Variants in PDE11A observed in about 807,000 individuals in gnomAD.
The protein encoded by PDE11A is phosphodiesterase 11A.
In PDE11A, 100 loss-of-function variants were observed where a neutral mutation model predicts 100.5. The ratio of observed to expected loss-of-function variants is 1.00; its 90% CI spans 0.85 to 1.18. The LOEUF is 1.18. Ranked by LOEUF, PDE11A falls within the 50% of genes most tolerant of loss-of-function variation. The pLI is 0.00. For missense variants in PDE11A, 1,141 were observed against 1,152.6 expected (o/e 0.99, Z 0.15); for synonymous variants, 381 against 420.8 (o/e 0.91, Z 1.16).
chr2:177,827,192 T>C (rs1401974351), intron 6 of PDE11A, among the ~76,000 whole-genome samples: 9 of 152,166 alleles, frequency 5.9e-5, no homozygotes, highest in African/African-American at 2.2e-4. Flanking sequence ...TATTGAGTTG[T>C]CTATAATAGG....
intron 6 of PDE11A, among the ~76,000 whole-genome samples, chr2:177,837,102 C>G (rs1303504764): frequency 6.6e-6 from 1 of 152,200 alleles, no homozygotes; most frequent in East Asian, 1.9e-4. Context: ...GCCTCTCCCT[C>G]CGTGTGCAAA....
intron 2 of PDE11A, among the ~76,000 whole-genome samples, chr2:177,954,454 C>A (rs2085537500): frequency 6.6e-6 from 1 of 152,090 alleles, no homozygotes; most frequent in Middle Eastern, 3.2e-3. Context: ...GTAATTAGAG[C>A]AGCAGACAAA....
intron 2 of PDE11A, among the ~76,000 whole-genome samples, chr2:177,910,428 CTATA>C (rs56372605): frequency 3.4e-4 from 47 of 137,382 alleles, no homozygotes; most frequent in African/African-American, 5.3e-4. Flanking sequence ...CTCTCTCTCT[CTATA>C]TATATATATA....
At chr2:177,707,465 C>G (rs1370664) in intron 13 of PDE11A, among the ~76,000 whole-genome samples, 116,342 of 152,036 alleles carry the variant, frequency 0.77, 44,594 homozygotes, top group East Asian at 0.84. Context: ...GAGAGCCAGG[C>G]ATCAAGCCTG....
At chr2:177,722,242 C>T (rs2081540107) in intron 12 of PDE11A, among the ~76,000 whole-genome samples, 1 of 152,158 alleles carries the variant, frequency 6.6e-6, no homozygotes, top group African/African-American at 2.4e-5. Context: ...CCTGTAACGT[C>T]GGACATGATT....
chr2:177,898,310 A>G, intron 3 of PDE11A, 112 bp from the exon 4 acceptor site: 1 of 731,534 alleles, frequency 1.4e-6, no homozygotes, highest in South Asian at 1.7e-5. Flanking sequence ...CTTTTTGTGT[A>G]GCTAATTTTA....
At chr2:177,822,639 G>A (rs1185440012) in intron 6 of PDE11A, among the ~76,000 whole-genome samples, 1 of 151,960 alleles carries the variant, frequency 6.6e-6, no homozygotes, top group African/African-American at 2.4e-5. Context: ...ATACATTCCT[G>A]GGATTTTTAT....
At chr2:178,083,095 T>TA (rs1335297576) in intron 2 of PDE11A, among the ~76,000 whole-genome samples, 1 of 145,778 alleles carries the variant, frequency 6.9e-6, no homozygotes, top group Non-Finnish European at 1.5e-5. Flanking sequence ...TCAGTAAAAC[T>TA]AAAATTTTTT....
At chr2:177,771,709 T>A (rs13421415) in intron 9 of PDE11A, among the ~76,000 whole-genome samples, 48,063 of 152,074 alleles carry the variant, frequency 0.32, 8,806 homozygotes, top group African/African-American at 0.49. Flanking sequence ...ATAGGTATAT[T>A]TAAAACAAAA....
At chr2:177,686,706 T>TC (rs2080956999) in intron 15 of PDE11A, 1 of 97,854 alleles carries the variant, frequency 1.0e-5, no homozygotes, top group African/African-American at 8.1e-5. Flanking sequence ...AATTTTTTTT[T>TC]TTTTTTTTTT....
chr2:178,045,745 T>C (rs2086741314), intron 1 of PDE11A, among the ~76,000 whole-genome samples: 1 of 152,228 alleles, frequency 6.6e-6, no homozygotes, highest in African/African-American at 2.4e-5. Flanking sequence ...TTCCAAACTC[T>C]CCAAACCTGA....
chr2:177,946,381 C>T (rs867796917), intron 2 of PDE11A, among the ~76,000 whole-genome samples: 50 of 81,420 alleles, frequency 6.1e-4, no homozygotes, highest in East Asian at 4.5e-3. Context: ...AGGTGAGGGG[C>T]GCCTCTGCCC....
At chr2:177,906,492 T>A (rs1456856653) in intron 2 of PDE11A, among the ~76,000 whole-genome samples, 3 of 152,192 alleles carry the variant, frequency 2.0e-5, no homozygotes, top group Non-Finnish European at 4.4e-5. Context: ...TGATCAACTC[T>A]GACCTAGGGT....
At chr2:177,904,556 CTTTT>C (rs11333208) in intron 3 of PDE11A, among the ~76,000 whole-genome samples, 4 of 133,098 alleles carry the variant, frequency 3.0e-5, no homozygotes, top group Admixed American at 7.5e-5. Flanking sequence ...TATTAATCTC[CTTTT>C]TTTTTTTTTT....
intron 5 of PDE11A, among the ~76,000 whole-genome samples, chr2:177,856,331 A>G (rs552522901): frequency 5.9e-5 from 9 of 152,124 alleles, no homozygotes; most frequent in Non-Finnish European, 1.3e-4. Context: ...CTTGATTTCC[A>G]GAGTTTCCAC....
chr2:177,809,327 T>G (rs1335161357), intron 9 of PDE11A, among the ~76,000 whole-genome samples: 2 of 152,042 alleles, frequency 1.3e-5, no homozygotes, highest in African/African-American at 4.8e-5. Context: ...AAAATAACCT[T>G]CACCAAGAGG....
At chr2:177,648,788 G>A (rs752796474) in intron 19 of PDE11A, among the ~76,000 whole-genome samples, 31 of 151,928 alleles carry the variant, frequency 2.0e-4, no homozygotes, top group Non-Finnish European at 3.7e-4. Flanking sequence ...CAAATAATAA[G>A]GAAAGAGTTC....
chr2:177,721,063 AACTT>A (rs1298359675), intron 12 of PDE11A, among the ~76,000 whole-genome samples: 2 of 152,186 alleles, frequency 1.3e-5, no homozygotes, highest in African/African-American at 4.8e-5. Context: ...TTTTATATAT[AACTT>A]TATTATTATA....
intron 1 of PDE11A, among the ~76,000 whole-genome samples, chr2:178,035,149 A>G (rs988957601): frequency 2.6e-5 from 4 of 152,196 alleles, no homozygotes; most frequent in Non-Finnish European, 4.4e-5. Flanking sequence ...TAAAGAAGAA[A>G]AGAGAGAAGA....
Sources: allele counts gnomAD v4.1 joint callset (sites outside exome capture counted in the v4.1 genomes callset), GRCh38; gene constraint gnomAD v4.1.1; transcripts MANE v1.5; gene names NCBI Gene and HGNC (gene_info 2026-07-23, HGNC 2026-07-21).